IL12RB1: variants seen among roughly 807,000 people sequenced by gnomAD.
IL12RB1 encodes the protein interleukin-12 receptor subunit beta-1.
IL12RB1 carries 64 observed loss-of-function variants against 94.4 expected under a neutral mutation model. The ratio of observed to expected loss-of-function variants is 0.68; its 90% CI spans 0.55 to 0.83. The LOEUF (loss-of-function observed/expected upper bound fraction) is 0.83. Ranked by LOEUF, IL12RB1 falls within the 40% of genes least tolerant of loss-of-function variation. IL12RB1 has a pLI of 0.00. For missense variants in IL12RB1, 814 were observed against 855.6 expected (o/e 0.95, Z 0.61); for synonymous variants, 362 against 355.5 (o/e 1.02, Z -0.21).
intron 1 of IL12RB1, among the ~76,000 whole-genome samples, chr19:18,093,381 T>C (rs933134573): frequency 3.3e-5 from 5 of 151,520 alleles, no homozygotes; most frequent in African/African-American, 1.2e-4. Flanking sequence ...TGTGTGTGTG[T>C]GTTAACCACA....
chr19:18,098,301 T>C (rs752926235), intron 1 of IL12RB1, among the ~76,000 whole-genome samples: 4 of 152,060 alleles, frequency 2.6e-5, no homozygotes, highest in Non-Finnish European at 5.9e-5. Context: ...CAGGCGCCCA[T>C]TTGTCAGAAT....
chr19:18,065,670 T>A (rs1568489791), intron 12 of IL12RB1, among the ~76,000 whole-genome samples: 1 of 151,830 alleles, frequency 6.6e-6, no homozygotes, highest in Non-Finnish European at 1.5e-5. Context: ...AATACAAAAA[T>A]TTGCCAGGCA....
intron 15 of IL12RB1, among the ~76,000 whole-genome samples, chr19:18,060,750 CT>C (rs1460840541): frequency 1.3e-5 from 2 of 152,086 alleles, no homozygotes; most frequent in Non-Finnish European, 2.9e-5. Flanking sequence ...GGCCCTGAGA[CT>C]TTTGCCCCAG....
chr19:18,080,841 A>G lies in IL12RB1; in HGVS notation c.400T>C (p.Tyr134His), dbSNP rs550548345. Residue 134 changes from tyrosine to histidine, a missense_variant, in exon 4 of 17, where the codon TAC becomes CAC. Tyr to His is a moderately conservative substitution (Grantham distance 83). Transcript: ENST00000593993. ...EKSPEVTLQL[Y>H]NSVKYEPPLG... Reference sequence around the variant, plus strand: ...AGAACAAGGTGCTAACCTGAGTTGTAGAGCTGCAGGGTCACCTCAGGAGAC... The same window carrying G: ...AGAACAAGGTGCTAACCTGAGTTGTGGAGCTGCAGGGTCACCTCAGGAGAC... The G allele has an allele frequency of 1.2e-6, 2 of 1,605,826 alleles. No individual in the cohort carries two copies. Among genetic ancestry groups the G allele is most frequent in the African/African-American group, 1.3e-5 (1 of 74,876 alleles).
chr19:18,072,946 CAAAAAAA>C (rs11336251), intron 8 of IL12RB1, among the ~76,000 whole-genome samples: 1 of 75,214 alleles, frequency 1.3e-5, no homozygotes, highest in Non-Finnish European at 2.5e-5. Flanking sequence ...GACTCCATCT[CAAAAAAA>C]AAAAAAAAAA....
chr19:18,060,224 A>T (rs761583468), intron 15 of IL12RB1, 139 bp from the exon 16 acceptor site: 4 of 607,780 alleles, frequency 6.6e-6, no homozygotes, highest in Non-Finnish European at 1.2e-5. Context: ...CACACCTGTC[A>T]TCCCAGCACT....
At position 18,082,208 on chromosome 19, in the gene IL12RB1, C is replaced by A. The variant is rs117720235; in HGVS notation, c.181G>T (p.Glu61Ter). 1.9e-6 allele frequency: 3 copies of A among 1,613,916 alleles called. No homozygotes were observed. Among genetic ancestry groups the A allele is most frequent in the Admixed American group, 3.3e-5 (2 of 59,968 alleles). Residue 61 changes from glutamate (E) to a stop codon, truncating the protein, a stop_gained, in exon 3 of 17, where the codon GAG becomes TAG. Transcript: ENST00000593993. LOFTEE classifies it high-confidence loss of function. ...RCYRISSDRY[E>*]CSWQYEGPTA... ...GGACCCTCATACTGCCAGGAGCACTCGTAACGATCACTGGATATCCGATAG... is the reference window on the plus strand; with the variant it reads ...GGACCCTCATACTGCCAGGAGCACTAGTAACGATCACTGGATATCCGATAG...
intron 4 of IL12RB1, among the ~76,000 whole-genome samples, chr19:18,078,733 T>C (rs1002449736): frequency 1.3e-5 from 2 of 152,112 alleles, no homozygotes; most frequent in Non-Finnish European, 2.9e-5. Flanking sequence ...ACTTAGTTTT[T>C]AGATCTATTT....
At chr19:18,071,635 C>CCAA (rs398071168) in intron 9 of IL12RB1, among the ~76,000 whole-genome samples, 1 of 151,658 alleles carries the variant, frequency 6.6e-6, no homozygotes, top group Non-Finnish European at 1.5e-5. Context: ...AAAAAACAAA[C>CCAA]CAACAACAAC....
chr19:18,077,462 T>A, intron 5 of IL12RB1, 54 bp downstream of exon 5: 1 of 1,412,236 alleles, frequency 7.1e-7, no homozygotes, highest in Non-Finnish European at 9.9e-7. Context: ...GATTTGGGGG[T>A]GAAGGTGCCC....
chr19:18,069,172 G>C (rs750328334), intron 10 of IL12RB1, among the ~76,000 whole-genome samples: 3 of 152,182 alleles, frequency 2.0e-5, no homozygotes, highest in Non-Finnish European at 4.4e-5. Context: ...GGGAGAGTGA[G>C]AGGCCACCTG....
chr19:18,077,452 G>A, intron 5 of IL12RB1, 64 bp downstream of exon 5: 5 of 1,278,278 alleles, frequency 3.9e-6, no homozygotes, highest in Non-Finnish European at 5.6e-6. Context: ...TGGTGAGACT[G>A]ATTTGGGGGT....
At chr19:18,063,112 T>C (rs1465260105) in intron 13 of IL12RB1, among the ~76,000 whole-genome samples, 3 of 92,832 alleles carry the variant, frequency 3.2e-5, no homozygotes, top group Admixed American at 2.4e-4. Flanking sequence ...TTTTTTTTTT[T>C]TGAGACAGGG....
intron 7 of IL12RB1, among the ~76,000 whole-genome samples, chr19:18,074,380 TACACCCTGCC>T (rs1568503562): frequency 6.6e-6 from 1 of 152,132 alleles, no homozygotes; most frequent in Admixed American, 6.6e-5. Flanking sequence ...AGCTGTTTAG[TACACCCTGCC>T]ACCTGCAGGT....
chr19:18,086,610 A>G (rs2146501685), intron 1 of IL12RB1, 150 bp downstream of exon 1: 1 of 706,268 alleles, frequency 1.4e-6, no homozygotes, highest in Non-Finnish European at 2.3e-6. Flanking sequence ...CGATCCCAGA[A>G]GCCATGACTG....
chr19:18,082,032 C>T, intron 3 of IL12RB1, 118 bp downstream of exon 3: 2 of 716,808 alleles, frequency 2.8e-6, no homozygotes, highest in Non-Finnish European at 2.6e-6. Flanking sequence ...GAAACTGAAG[C>T]CCAGGAAGGA....
At chr19:18,061,333 C>T (rs144398302) in intron 14 of IL12RB1, 136 bp from the exon 15 acceptor site, 11 of 570,692 alleles carry the variant, frequency 1.9e-5, no homozygotes, top group African/African-American at 5.7e-5. Flanking sequence ...TGGGTTCAAT[C>T]GATTCTCCTG....
In IL12RB1 at chr19:18,059,456, C is replaced by T. The variant is rs2033962011; in HGVS notation, c.*152G>A. 1.2e-5 allele frequency: 7 copies of T among 582,044 alleles called. No homozygotes were observed. The highest frequency in any genetic ancestry group is 3.4e-4 in the Middle Eastern group (1 of 2,928). The allele number at this position is 582,044 out of a possible 1,614,324, so 36.1% of individuals were successfully genotyped here. On this transcript the variant is annotated 3_prime_UTR_variant, in exon 17 of 17. Coordinates refer to ENST00000593993, the MANE Select transcript of IL12RB1 (RefSeq NM_005535.3). ...CCATTTCATGGCAGCATCTAGGGTT[C>T]CCCCGCAGGATGGGTGGCAACAGGC... is the stretch of plus-strand genomic sequence containing the variant.
At chr19:18,084,237 A>T (rs968301130) in intron 1 of IL12RB1, among the ~76,000 whole-genome samples, 1 of 148,836 alleles carries the variant, frequency 6.7e-6, no homozygotes, top group Admixed American at 6.7e-5. Flanking sequence ...CCATCCGTCC[A>T]TCCATCCACG....
Sources: allele counts gnomAD v4.1 joint callset (sites outside exome capture counted in the v4.1 genomes callset), GRCh38; gene constraint gnomAD v4.1.1; transcripts MANE v1.5; gene names NCBI Gene and HGNC (gene_info 2026-07-23, HGNC 2026-07-21).